The following VKORC1L1 variants were observed in gnomAD, a reference collection of about 807,000 sequenced individuals.
VKORC1L1 encodes the protein vitamin K epoxide reductase complex subunit 1-like protein 1.
Under a neutral mutation model 18.9 loss-of-function variants are expected in VKORC1L1, and 2 were observed. The observed-to-expected ratio is 0.11, with a 90% CI of 0.04 to 0.33. The LOEUF is 0.33. VKORC1L1 is among the 10% of genes least tolerant of loss of function. The probability of loss-of-function intolerance (pLI) is 1.00; values close to 1 mark genes in which losing one functional copy is unlikely to be tolerated. For synonymous variants in VKORC1L1, 96 were observed against 100.0 expected (o/e 0.96, Z 0.24); for missense variants, 123 against 224.1 (o/e 0.55, Z 2.88).
At chr7:65,933,383 T>C (rs547488152) in intron 1 of VKORC1L1, among the ~76,000 whole-genome samples, 2 of 152,326 alleles carry the variant, frequency 1.3e-5, no homozygotes, top group African/African-American at 2.4e-5. Flanking sequence ...ATATGTCTCT[T>C]TCTTCTCTGG....
At chr7:65,936,456 C>T (rs1411905918) in intron 1 of VKORC1L1, among the ~76,000 whole-genome samples, 1 of 152,154 alleles carries the variant, frequency 6.6e-6, no homozygotes, top group Non-Finnish European at 1.5e-5. Context: ...ACAGGCAATC[C>T]AGTTTCACAA....
intron 1 of VKORC1L1, among the ~76,000 whole-genome samples, chr7:65,928,480 C>T (rs1356590003): frequency 6.6e-6 from 1 of 152,108 alleles, no homozygotes; most frequent in Non-Finnish European, 1.5e-5. Flanking sequence ...TCCAGAATAT[C>T]ACTTAAATGG....
In VKORC1L1 at chr7:65,929,680, G is replaced by GTATATATATATA. The variant is rs150255530; in HGVS notation, c.195-18990_195-18989insATATATATATAT. Among the ~76,000 whole-genome samples the GTATATATATATA allele has an allele frequency of 3.1e-3, 326 of 103,760 alleles. 5 individuals are homozygous for GTATATATATATA. Among genetic ancestry groups the GTATATATATATA allele is most frequent in the African/African-American group, 0.011 (271 of 24,404 alleles). The allele number at this position is 103,760 out of a possible 152,430, so 68.1% of individuals were successfully genotyped here. ...TATGTGTGTGTGTGTATGTGTGTGT[G>GTATATATATATA]TGTATATATATATATATATATATGG... On this transcript the variant is annotated intron_variant, in intron 1 of 2. Transcript: ENST00000360768.
chr7:65,946,468 G>C (rs1003836931), intron 1 of VKORC1L1, among the ~76,000 whole-genome samples: 2 of 152,030 alleles, frequency 1.3e-5, no homozygotes, highest in Admixed American at 6.6e-5. Context: ...TTTGTGTTGT[G>C]TTTTCTCTGG....
rs1281755659 is a variant in VKORC1L1 at position 65,956,627 on chromosome 7, A to T, written c.*2327A>T. ...GAGAGAGGAACACGTACTGCCTGTC[A>T]TAACAGCATTGTAATGCCAGTGTCT... On this transcript the variant is annotated 3_prime_UTR_variant, in exon 3 of 3. Transcript: ENST00000360768. 6.6e-6 allele frequency: 1 copy of T among 152,236 alleles called. No homozygotes were observed. The highest frequency in any genetic ancestry group is 1.5e-5 in the Non-Finnish European group (1 of 68,054). The allele number at this position is 152,236 out of a possible 1,614,324, so 9.4% of individuals were successfully genotyped here.
At chr7:65,950,088 C>CT (rs994022684) in intron 2 of VKORC1L1, among the ~76,000 whole-genome samples, 32 of 148,552 alleles carry the variant, frequency 2.2e-4, no homozygotes, top group African/African-American at 5.2e-4. Context: ...TGTAAAATTT[C>CT]TTTTTTTTTT....
At chr7:65,915,806 T>A (rs1037473752) in intron 1 of VKORC1L1, among the ~76,000 whole-genome samples, 2 of 151,970 alleles carry the variant, frequency 1.3e-5, no homozygotes, top group African/African-American at 4.8e-5. Flanking sequence ...ATGTGTTAGC[T>A]GCAATACTTG....
At chr7:65,923,032 G>A (rs1789701802) in intron 1 of VKORC1L1, among the ~76,000 whole-genome samples, 1 of 152,100 alleles carries the variant, frequency 6.6e-6, no homozygotes, top group South Asian at 2.1e-4. Context: ...TGATGATAAA[G>A]TAGAGCATTT....
chr7:65,940,136 T>C (rs528931198), intron 1 of VKORC1L1, among the ~76,000 whole-genome samples: 20 of 151,966 alleles, frequency 1.3e-4, no homozygotes, highest in Non-Finnish European at 2.6e-4. Context: ...GCAGTCAACC[T>C]ACCCCAGCTG....
At chr7:65,879,274 A>G (rs929681671) in intron 1 of VKORC1L1, among the ~76,000 whole-genome samples, 1 of 152,188 alleles carries the variant, frequency 6.6e-6, no homozygotes, top group Non-Finnish European at 1.5e-5. Flanking sequence ...TTGACTAACC[A>G]AGATAAATTT....
chr7:65,935,236 C>A (rs1314851783), intron 1 of VKORC1L1, among the ~76,000 whole-genome samples: 1 of 151,968 alleles, frequency 6.6e-6, no homozygotes, highest in Non-Finnish European at 1.5e-5. Flanking sequence ...TGTTCTTGAT[C>A]CCTCAAAGAG....
At chr7:65,889,539 T>C (rs2116355544) in intron 1 of VKORC1L1, among the ~76,000 whole-genome samples, 1 of 152,288 alleles carries the variant, frequency 6.6e-6, no homozygotes, top group East Asian at 1.9e-4. Flanking sequence ...AACTATAACT[T>C]ACAGAAAAAT....
chr7:65,873,890 G>A (rs1039745186), intron 1 of VKORC1L1, among the ~76,000 whole-genome samples: 1 of 152,152 alleles, frequency 6.6e-6, no homozygotes, highest in African/African-American at 2.4e-5. Flanking sequence ...AGCGCGAGGG[G>A]GCTGCGGAGG....
intron 1 of VKORC1L1, among the ~76,000 whole-genome samples, chr7:65,932,709 G>A (rs776407627): frequency 6.6e-6 from 1 of 152,164 alleles, no homozygotes; most frequent in Non-Finnish European, 1.5e-5. Context: ...TTTTAAACTT[G>A]AAGTTTGTTT....
At chr7:65,939,105 A>T (rs34560516) in intron 1 of VKORC1L1, among the ~76,000 whole-genome samples, 16,907 of 152,272 alleles carry the variant, frequency 0.11, 1,095 homozygotes, top group Middle Eastern at 0.2. Flanking sequence ...GATTATTTTG[A>T]ACAGGATAGG....
At chr7:65,888,078 C>T (rs548588541) in intron 1 of VKORC1L1, among the ~76,000 whole-genome samples, 9 of 152,148 alleles carry the variant, frequency 5.9e-5, no homozygotes, top group Non-Finnish European at 1.0e-4. Flanking sequence ...TAGGTAAACC[C>T]GCCCCTGTGT....
At chr7:65,873,641 C>T in intron 1 of VKORC1L1, 76 bp downstream of exon 1, 18 of 1,072,230 alleles carry the variant, frequency 1.7e-5, no homozygotes, top group Non-Finnish European at 2.1e-5. Flanking sequence ...GAGCGCGCGG[C>T]GGGAGCTCAG....
At chr7:65,907,386 C>T (rs371932240) in intron 1 of VKORC1L1, among the ~76,000 whole-genome samples, 3 of 151,986 alleles carry the variant, frequency 2.0e-5, no homozygotes, top group Non-Finnish European at 4.4e-5. Context: ...TGCAGTGAGC[C>T]GAGATCATGC....
At chr7:65,873,030 C>G (rs1177252380), upstream of VKORC1L1, among the ~76,000 whole-genome samples, 12 of 147,484 alleles carry the variant, frequency 8.1e-5, no homozygotes, top group Admixed American at 8.1e-4. Flanking sequence ...CGGGCTCCAC[C>G]CCTCGCGCGC....
Sources: allele counts gnomAD v4.1 joint callset (sites outside exome capture counted in the v4.1 genomes callset), GRCh38; gene constraint gnomAD v4.1.1; transcripts MANE v1.5; gene names NCBI Gene and HGNC (gene_info 2026-07-23, HGNC 2026-07-21).